The following IMMP2L variants were observed in gnomAD, a reference collection of about 807,000 sequenced individuals.
IMMP2L encodes the protein mitochondrial inner membrane protease subunit 2.
Under a neutral mutation model 19.3 loss-of-function variants are expected in IMMP2L, and 18 were observed. That is an observed-to-expected ratio of 0.93 (90% CI 0.64 to 1.38). The LOEUF is 1.38. Ranked by LOEUF, IMMP2L falls within the 40% of genes most tolerant of loss-of-function variation. The probability of loss-of-function intolerance (pLI) is 0.00; values close to 1 mark genes in which losing one functional copy is unlikely to be tolerated. For synonymous variants in IMMP2L, 76 were observed against 73.0 expected (o/e 1.04, Z -0.21); for missense variants, 233 against 218.2 (o/e 1.07, Z -0.43).
chr7:111,385,296 T>C (rs1831622255), intron 3 of IMMP2L, among the ~76,000 whole-genome samples: 1 of 152,124 alleles, frequency 6.6e-6, no homozygotes, highest in African/African-American at 2.4e-5. Flanking sequence ...AATCTTGGAT[T>C]TGCATTGCTT....
intron 4 of IMMP2L, among the ~76,000 whole-genome samples, chr7:110,915,324 A>T (rs1447810288): frequency 6.6e-6 from 1 of 152,214 alleles, no homozygotes. Flanking sequence ...ACATGAATGA[A>T]CCTGAAGGAC....
intron 4 of IMMP2L, among the ~76,000 whole-genome samples, chr7:110,917,328 A>G (rs1370083587): frequency 6.6e-6 from 1 of 152,198 alleles, no homozygotes; most frequent in Non-Finnish European, 1.5e-5. Flanking sequence ...GTAATTTGTT[A>G]CGACAGCCTC....
chr7:111,313,855 T>C (rs1346101636), intron 3 of IMMP2L, among the ~76,000 whole-genome samples: 2 of 152,132 alleles, frequency 1.3e-5, no homozygotes, highest in East Asian at 1.9e-4. Flanking sequence ...TCCCCAGCAC[T>C]GGAGGTGGGG....
chr7:110,721,284 G>T (rs1584609293), intron 5 of IMMP2L, among the ~76,000 whole-genome samples: 1 of 152,056 alleles, frequency 6.6e-6, no homozygotes, highest in Middle Eastern at 3.4e-3. Flanking sequence ...GTTGTTGCAA[G>T]GACTAAAATG....
intron 3 of IMMP2L, among the ~76,000 whole-genome samples, chr7:111,386,695 C>T (rs1057380573): frequency 6.6e-6 from 1 of 152,172 alleles, no homozygotes; most frequent in Non-Finnish European, 1.5e-5. Flanking sequence ...CAAGCCTTCA[C>T]TCCCCTTCCC....
intron 3 of IMMP2L, among the ~76,000 whole-genome samples, chr7:111,168,623 T>C (rs1806097012): frequency 6.6e-6 from 1 of 151,972 alleles, no homozygotes; most frequent in Non-Finnish European, 1.5e-5. Flanking sequence ...AGATTTTACT[T>C]AACAAGGACT....
intron 3 of IMMP2L, among the ~76,000 whole-genome samples, chr7:111,199,400 G>T (rs544955824): frequency 6.6e-6 from 1 of 151,830 alleles, no homozygotes; most frequent in Non-Finnish European, 1.5e-5. Flanking sequence ...ATATGTACGT[G>T]GAACATGTAA....
intron 3 of IMMP2L, among the ~76,000 whole-genome samples, chr7:110,986,078 GAAATTT>G (rs1396628084): frequency 1.3e-5 from 2 of 152,124 alleles, no homozygotes; most frequent in East Asian, 3.9e-4. Flanking sequence ...CTCTTTGAGG[GAAATTT>G]AAGCTTTCAA....
chr7:110,823,271 A>G (rs1007931581), intron 5 of IMMP2L, among the ~76,000 whole-genome samples: 11 of 152,142 alleles, frequency 7.2e-5, no homozygotes, highest in African/African-American at 2.4e-4. Context: ...CCAGAAAGGT[A>G]CACCTATTTT....
rs567887487 is a variant in IMMP2L at position 111,491,141 on chromosome 7, CTCTT to C, written c.136-3804_136-3801del. The stretch of plus-strand genomic sequence containing the variant: ...ACTTAAGAAACAAAAATATATTTTT[CTCTT>C]TCTTATGATGTTCTTAATAACATTT... On this transcript the variant is annotated intron_variant, in intron 2 of 5. Transcript: ENST00000405709. Among the ~76,000 whole-genome samples the C allele has an allele frequency of 2.6e-5, 4 of 152,160 alleles. No homozygotes were observed. In the South Asian group the frequency reaches 8.3e-4, roughly 32 times the overall value.
At chr7:110,779,819 T>A (rs926674245) in intron 5 of IMMP2L, among the ~76,000 whole-genome samples, 1 of 151,840 alleles carries the variant, frequency 6.6e-6, no homozygotes, top group African/African-American at 2.4e-5. Context: ...GCCATGCTGA[T>A]AACAATTGTT....
intron 4 of IMMP2L, among the ~76,000 whole-genome samples, chr7:110,948,373 A>T (rs2129553829): frequency 6.6e-6 from 1 of 152,342 alleles, no homozygotes; most frequent in East Asian, 1.9e-4. Flanking sequence ...TTCTATAACA[A>T]TGAATGAATT....
intron 3 of IMMP2L, among the ~76,000 whole-genome samples, chr7:111,425,945 A>G (rs1302359129): frequency 6.6e-6 from 1 of 151,202 alleles, no homozygotes; most frequent in Non-Finnish European, 1.5e-5. Context: ...ACCTCTAAGA[A>G]GCAGATGTCT....
rs116488080 is a variant in IMMP2L at position 111,435,627 on chromosome 7, A to G, written c.239+51611T>C. On this transcript the variant is annotated intron_variant, in intron 3 of 5. Transcript: ENST00000405709. ...CACTAAATGCCAAGACTACACCACT[A>G]TGTAATATACACATGTAAGAAACCT... is the stretch of plus-strand genomic sequence containing the variant. Among the ~76,000 whole-genome samples, 551 of 152,004 alleles carry G rather than the reference A, an allele frequency of 3.6e-3. 18 individuals carry two copies. Among genetic ancestry groups the G allele is most frequent in the African/African-American group, 0.013 (521 of 41,288 alleles).
intron 3 of IMMP2L, among the ~76,000 whole-genome samples, chr7:111,061,028 T>C (rs1048480623): frequency 2.6e-5 from 4 of 152,340 alleles, no homozygotes; most frequent in Admixed American, 2.6e-4. Context: ...AAAAATAGAC[T>C]AGACTTGCAA....
chr7:110,736,960 T>A (rs753845889), intron 5 of IMMP2L, among the ~76,000 whole-genome samples: 9 of 152,184 alleles, frequency 5.9e-5, no homozygotes, highest in Admixed American at 5.9e-4. Context: ...GAGAAGGTCA[T>A]GAATTTTGGG....
In IMMP2L at chr7:111,556,265, T is replaced by C. The variant is rs116336751; in HGVS notation, c.-3+5586A>G. ...AGCATCAGTACTATATAATACTGTA[T>C]TGTATTCCTGACTTTTGCTAAATGA... On this transcript the variant is annotated intron_variant, in intron 1 of 5. Coordinates refer to ENST00000405709, the MANE Select transcript of IMMP2L (RefSeq NM_032549.4). Among the ~76,000 whole-genome samples the C allele has an allele frequency of 8.5e-3, 1,296 of 151,844 alleles. 23 individuals are homozygous for C. The highest frequency in any genetic ancestry group is 0.029 in the African/African-American group (1,221 of 41,456).
intron 3 of IMMP2L, among the ~76,000 whole-genome samples, chr7:111,364,039 C>T (rs1335957323): frequency 6.6e-6 from 1 of 152,002 alleles, no homozygotes. Flanking sequence ...TATACACATA[C>T]AATGGGCAAA....
At chr7:111,060,936 G>A (rs764555412) in intron 3 of IMMP2L, among the ~76,000 whole-genome samples, 5 of 151,988 alleles carry the variant, frequency 3.3e-5, no homozygotes, top group Non-Finnish European at 7.4e-5. Flanking sequence ...TACGGTTCTC[G>A]GATTTAGACA....
Sources: gnomAD v4.1 joint callset for allele counts (sites outside exome capture counted in the v4.1 genomes callset) on GRCh38, gnomAD v4.1.1 for gene constraint, MANE v1.5 for transcripts, NCBI Gene and HGNC (gene_info 2026-07-23, HGNC 2026-07-21) for gene names.